The following FSCN2 variants were observed in gnomAD, a reference collection of about 807,000 sequenced individuals.
FSCN2 encodes fascin-2.
Under a neutral mutation model 37.8 loss-of-function variants are expected in FSCN2, and 46 were observed. That is an observed-to-expected ratio of 1.22 (90% CI 0.96 to 1.56). FSCN2 has a LOEUF of 1.56. Among genes scored for constraint, FSCN2 ranks in the 40% most tolerant of loss-of-function variants. FSCN2 has a pLI of 0.00. For synonymous variants in FSCN2, 351 were observed against 309.4 expected (o/e 1.13, Z -1.41); for missense variants, 844 against 730.4 (o/e 1.16, Z -1.79).
the FSCN2 span, among the ~76,000 whole-genome samples, chr17:81,519,975 C>T: frequency 6.6e-6 from 1 of 152,200 alleles, no homozygotes; most frequent in African/African-American, 2.4e-5. Flanking sequence ...TCGAGGCAAC[C>T]CAGCAGGAAA....
Position 81,535,046 on chromosome 17 carries a change from C to T in FSCN2, c.827-6C>T. On this transcript the variant is annotated splice_region_variant and splice_polypyrimidine_tract_variant and intron_variant, in intron 1 of 4. Transcript: ENST00000417245. ...CGTGAGGGGCTTCCCCATCTCCTCC[C>T]TCCAGGGGTCAACGTCTCAGCCAAT... 2 of 1,527,148 alleles carry T rather than the reference C, an allele frequency of 1.3e-6. No individual in the cohort carries two copies. The highest frequency in any genetic ancestry group is 8.8e-7 in the Non-Finnish European group (1 of 1,141,790). 94.6% of individuals were successfully genotyped at this position (1,527,148 alleles called of 1,614,324 possible).
chr17:81,526,358 G>A (rs546631479), upstream of FSCN2, among the ~76,000 whole-genome samples: 10 of 152,352 alleles, frequency 6.6e-5, no homozygotes, highest in South Asian at 1.9e-3. Context: ...GAGGCCGGGC[G>A]CAGTGGCCAC....
At chr17:81,531,303 ATGGTGGTGGTGGTGATGATGGTGG>A (rs1568077073) in intron 1 of FSCN2, among the ~76,000 whole-genome samples, 8 of 37,272 alleles carry the variant, frequency 2.1e-4, no homozygotes, top group Non-Finnish European at 3.6e-4. Flanking sequence ...GGTGATGGTG[ATGGTGGTGGTGGTGATGATGGTGG>A]TGGTGGTGAT....
chr17:81,528,651 C>T lies in FSCN2; in HGVS notation c.120C>T (p.Leu40=), dbSNP rs2032431006. ...AGGTCAATGCCTCGGCACCCAGCCT[C>T]AAGAGGAAGCAGACCTGGGTGCTGG... is the stretch of plus-strand genomic sequence containing the variant. ...GFKVNASAPS[L]KRKQTWVLEP... is the part of the protein sequence containing the mutation. Residue 40 remains leucine, a synonymous_variant, in exon 1 of 5, where the codon CTC becomes CTT. Transcript: ENST00000417245. 5 of 1,602,872 alleles carry T rather than the reference C, an allele frequency of 3.1e-6. No homozygotes were observed. Among genetic ancestry groups the T allele is most frequent in the Non-Finnish European group, 4.3e-6 (5 of 1,175,522 alleles).
chr17:81,536,017 ATGG>A (rs760275873), intron 2 of FSCN2, 126 bp from the exon 3 acceptor site: 221 of 1,165,498 alleles, frequency 1.9e-4, no homozygotes, highest in Non-Finnish European at 2.5e-4. Flanking sequence ...GTAGCGCCTG[ATGG>A]TGGTGGGTGT....
At chr17:81,526,497 A>G (rs1375562886), upstream of FSCN2, among the ~76,000 whole-genome samples, 10 of 152,176 alleles carry the variant, frequency 6.6e-5, no homozygotes, top group East Asian at 1.5e-3. Flanking sequence ...CGGGCACGGT[A>G]GCAAGTGCCT....
the FSCN2 span, among the ~76,000 whole-genome samples, chr17:81,517,167 C>A: frequency 6.6e-6 from 1 of 151,618 alleles, no homozygotes; most frequent in Non-Finnish European, 1.5e-5. Flanking sequence ...CCCCGCCCCA[C>A]CCCCGCTGCT....
chr17:81,534,478 G>A (rs2143892268), intron 1 of FSCN2, among the ~76,000 whole-genome samples: 1 of 152,168 alleles, frequency 6.6e-6, no homozygotes, highest in South Asian at 2.1e-4. Context: ...CCCCATGCTG[G>A]GCATGGGTGC....
the FSCN2 span, among the ~76,000 whole-genome samples, chr17:81,520,025 C>T: frequency 1.2e-4 from 18 of 152,270 alleles, no homozygotes; most frequent in East Asian, 3.5e-3. Flanking sequence ...TCAGAGATCT[C>T]ACTACATACA....
At chr17:81,515,919 G>C in the FSCN2 span, among the ~76,000 whole-genome samples, 1 of 152,232 alleles carries the variant, frequency 6.6e-6, no homozygotes, top group Non-Finnish European at 1.5e-5. Flanking sequence ...ATCTTGGCTC[G>C]CTGCAACCTC....
rs1304601938 is a variant in FSCN2, at chr17:81,536,766, G to A, written c.1250G>A (p.Ser417Asn). 6.2e-7 allele frequency: 1 copy of A among 1,606,272 alleles called. No homozygotes were observed. Among genetic ancestry groups the A allele is most frequent in the Admixed American group, 1.7e-5 (1 of 59,540 alleles). Reference protein sequence around the residue: ...SVYDVFHLSFSDGAYRIRGRD... With the variant: ...SVYDVFHLSFNDGAYRIRGRD... ...TACGACGTCTTCCACCTGAGCTTCAGCGACGGCGCCTACCGGATCCGAGGT... is the reference window on the plus strand; with the variant it reads ...TACGACGTCTTCCACCTGAGCTTCAACGACGGCGCCTACCGGATCCGAGGT... The change falls in exon 4 of 5, where the codon AGC becomes AAC. Residue 417 changes from serine (S) to asparagine (N), a missense_variant. Physicochemically the swap from Ser to Asn is conservative, Grantham distance 46. Coordinates refer to ENST00000417245, the MANE Select transcript of FSCN2 (RefSeq NM_012418.4).
At chr17:81,522,247 C>T in the FSCN2 span, among the ~76,000 whole-genome samples, 1 of 152,190 alleles carries the variant, frequency 6.6e-6, no homozygotes, top group South Asian at 2.1e-4. Context: ...CCTCGTGATC[C>T]GCCTGCCTCG....
At chr17:81,531,384 GTGATGGTGA>G (rs1568077302) in intron 1 of FSCN2, among the ~76,000 whole-genome samples, 55 of 74,462 alleles carry the variant, frequency 7.4e-4, no homozygotes, top group East Asian at 8.6e-4. Context: ...GGTGATGGTG[GTGATGGTGA>G]TGATGGTGAT....
At chr17:81,515,893 G>A in the FSCN2 span, among the ~76,000 whole-genome samples, 2 of 152,392 alleles carry the variant, frequency 1.3e-5, no homozygotes, top group Admixed American at 1.3e-4. Context: ...CGCCCAGGCT[G>A]GAGCGCAGTG....
rs535269969 is a variant in FSCN2, at chr17:81,528,927, C to T, written c.396C>T (p.Thr132=). 1.0e-5 allele frequency: 16 copies of T among 1,591,572 alleles called. No homozygotes were observed. The highest frequency in any genetic ancestry group is 4.0e-5 in the African/African-American group (3 of 74,680). The change falls in exon 1 of 5, where the codon ACC becomes ACT. Residue 132 remains threonine, a synonymous_variant. Coordinates refer to ENST00000417245, the MANE Select transcript of FSCN2 (RefSeq NM_012418.4). ...CCGTTTCCCCGGCCGAGCTGTGGAC[C>T]GTGCACCTGGCCATCCACCCGCAGG... ...ATAVSPAELW[T]VHLAIHPQAH... is the part of the protein sequence containing the mutation.
rs372923979 is a variant in FSCN2 at position 81,529,207 on chromosome 17, G to A, written c.676G>A (p.Gly226Ser). The change falls in exon 1 of 5, where the codon GGC (glycine) becomes AGC (serine). Residue 226 changes from glycine (G) to serine (S), a missense_variant. Transcript: ENST00000417245. The part of the protein sequence containing the change: ...AGKLAFKDCD[G>S]HYLAPVGPAG... ...CAAGCTGGCCTTCAAGGACTGCGAC[G>A]GCCACTACCTGGCACCCGTGGGGCC... 1.0e-5 allele frequency: 16 copies of A among 1,598,114 alleles called. No individual in the cohort carries two copies. The highest frequency in any genetic ancestry group is 4.0e-5 in the African/African-American group (3 of 74,616).
intron 1 of FSCN2, among the ~76,000 whole-genome samples, chr17:81,532,394 G>GATGATA (rs1221973212): frequency 6.7e-6 from 1 of 148,664 alleles, no homozygotes; most frequent in African/African-American, 2.6e-5. Flanking sequence ...TGGCGATGAT[G>GATGATA]GTGATGATAG....
At chr17:81,520,035 A>C in the FSCN2 span, among the ~76,000 whole-genome samples, 1 of 152,036 alleles carries the variant, frequency 6.6e-6, no homozygotes, top group Admixed American at 6.5e-5. Flanking sequence ...CACTACATAC[A>C]CCTGCTGGGG....
At chr17:81,531,726 G>GTGGTGATGTTGATGGTGA (rs1555671370) in intron 1 of FSCN2, among the ~76,000 whole-genome samples, 1 of 109,204 alleles carries the variant, frequency 9.2e-6, no homozygotes, top group African/African-American at 4.2e-5. Flanking sequence ...GGTGGTGATG[G>GTGGTGATGTTGATGGTGA]TGATGGTGAT....
Sources: allele counts gnomAD v4.1 joint callset (sites outside exome capture counted in the v4.1 genomes callset), GRCh38; gene constraint gnomAD v4.1.1; transcripts MANE v1.5; gene names NCBI Gene and HGNC (gene_info 2026-07-23, HGNC 2026-07-21).